The following NOB1 variants were observed in gnomAD, a reference collection of about 807,000 sequenced individuals.
NOB1 encodes NIN1 (RPN12) binding protein 1 homolog.
A neutral mutation model predicts 44.8 loss-of-function variants in NOB1; 44 were observed. That is an observed-to-expected ratio of 0.98 (90% confidence interval 0.77 to 1.26). NOB1 has a LOEUF of 1.26. Ranked by LOEUF, NOB1 falls within the 50% of genes most tolerant of loss-of-function variation. The pLI is 0.00. For missense variants in NOB1, 560 were observed against 544.8 expected (o/e 1.03, Z -0.28); for synonymous variants, 238 against 218.7 (o/e 1.09, Z -0.78).
At chr16:69,754,258 A>C (rs1415524285) in intron 2 of NOB1, among the ~76,000 whole-genome samples, 20 of 152,202 alleles carry the variant, frequency 1.3e-4, no homozygotes, top group Admixed American at 5.2e-4. Context: ...AATCCAAATA[A>C]ATTTATTGCT....
intron 8 of NOB1, 59 bp from the exon 9 acceptor site, chr16:69,742,660 A>T (rs1028972764): frequency 6.4e-7 from 1 of 1,573,378 alleles, no homozygotes; most frequent in African/African-American, 1.3e-5. Flanking sequence ...ACACAAGGCC[A>T]TGGCTGGTAA....
chr16:69,750,805 C>G (rs1286891471), intron 3 of NOB1, among the ~76,000 whole-genome samples: 1 of 152,022 alleles, frequency 6.6e-6, no homozygotes, highest in Non-Finnish European at 1.5e-5. Context: ...TCAACTAGTG[C>G]AAAAATATGA....
At chr16:69,745,482 C>T (rs886261027) in intron 7 of NOB1, among the ~76,000 whole-genome samples, 6 of 152,214 alleles carry the variant, frequency 3.9e-5, no homozygotes, top group Non-Finnish European at 7.3e-5. Flanking sequence ...AGGGGCACCT[C>T]GTCACACCAC....
chr16:69,745,282 C>G (rs1005401467), intron 7 of NOB1, among the ~76,000 whole-genome samples: 2 of 152,194 alleles, frequency 1.3e-5, no homozygotes, highest in African/African-American at 4.8e-5. Flanking sequence ...CCTTCCTACA[C>G]ACCGCCAGGC....
intron 6 of NOB1, 111 bp from the exon 7 acceptor site, chr16:69,748,440 G>C: frequency 1.0e-6 from 1 of 972,316 alleles, no homozygotes; most frequent in Non-Finnish European, 1.5e-6. Flanking sequence ...TGGCTTTTGC[G>C]AAGGAAACTC....
intron 3 of NOB1, among the ~76,000 whole-genome samples, chr16:69,751,486 G>A (rs2038482130): frequency 6.6e-6 from 1 of 151,870 alleles, no homozygotes; most frequent in Non-Finnish European, 1.5e-5. Flanking sequence ...GGGCAACACA[G>A]CTAGACCCTG....
chr16:69,754,635 T>G lies in NOB1; in HGVS notation c.155A>C (p.Glu52Ala), dbSNP rs1297445413. 4 of 1,614,110 alleles carry G rather than the reference T, an allele frequency of 2.5e-6. No homozygotes were observed. In the Admixed American group the frequency reaches 5.0e-5, roughly 20 times the overall value. The change falls in exon 2 of 9, where the codon GAG becomes GCG. Residue 52 changes from glutamate (E) to alanine (A), a missense_variant. Physicochemically the swap from Glu to Ala is moderately radical, Grantham distance 107. Coordinates refer to ENST00000268802, the MANE Select transcript of NOB1 (RefSeq NM_014062.3). ...CGGTAAGGGCTCCTTGAACCGCAGC[T>G]CGTAGGGCAGGACAGCGAGCCGCCT... ...TRRRLAVLPY[E>A]LRFKEPLPEY...
At chr16:69,753,485 A>G (rs1183698026) in intron 2 of NOB1, among the ~76,000 whole-genome samples, 1 of 152,256 alleles carries the variant, frequency 6.6e-6, no homozygotes, top group Non-Finnish European at 1.5e-5. Flanking sequence ...AGCAGCAACG[A>G]AAATTTACTG....
chr16:69,749,631 C>T lies in NOB1; in HGVS notation c.328-1G>A. The T allele has an allele frequency of 3.8e-6, 6 of 1,594,580 alleles. No individual in the cohort carries two copies. The highest frequency in any genetic ancestry group is 5.1e-6 in the Non-Finnish European group (6 of 1,174,786). ...GCTGAATCGATGAGCTCACCTTAAC[C>T]TTTAAAAAAACAAAAAACATATACC... On this transcript the variant is annotated splice_acceptor_variant, in intron 3 of 8. Transcript: ENST00000268802. LOFTEE classifies it high-confidence loss of function.
Position 69,742,571 on chromosome 16 carries a change from A to T in NOB1, c.1000T>A (p.Tyr334Asn), listed in dbSNP as rs374897147. Residue 334 changes from tyrosine (Y) to asparagine (N), a missense_variant, in exon 9 of 9, where the codon TAC (tyrosine) becomes AAC (asparagine). By Grantham distance (143) the Tyr-to-Asn change is moderately radical. Transcript: ENST00000268802. ...YSLPTPKGGK[Y>N]AINPHLTEDQ... ...TCGGTGAGATGGGGGTTGATGGCGT[A>T]TTTGCCCCCTTTGGGAGTGGGAAGC... is the stretch of plus-strand genomic sequence containing the variant. The T allele has an allele frequency of 6.2e-7, 1 of 1,613,956 alleles. No individual in the cohort carries two copies. The highest frequency in any genetic ancestry group is 1.3e-5 in the African/African-American group (1 of 74,898).
At chr16:69,742,994 T>TA (rs141260930) in intron 8 of NOB1, among the ~76,000 whole-genome samples, 6,577 of 152,056 alleles carry the variant, frequency 0.043, 491 homozygotes, top group African/African-American at 0.15. Flanking sequence ...CCATCCTGCA[T>TA]AAAAAACCAG....
At chr16:69,745,607 C>T (rs975574457) in intron 7 of NOB1, among the ~76,000 whole-genome samples, 3 of 152,212 alleles carry the variant, frequency 2.0e-5, no homozygotes, top group East Asian at 1.9e-4. Context: ...GAACTAAGCC[C>T]GGGCACTGAG....
chr16:69,750,042 A>G (rs1449070718), intron 3 of NOB1, among the ~76,000 whole-genome samples: 1 of 135,082 alleles, frequency 7.4e-6, no homozygotes, highest in African/African-American at 2.8e-5. Context: ...TCTGTCACCC[A>G]GGCCGGAGGG....
chr16:69,744,690 T>C (rs1420829382), intron 8 of NOB1, among the ~76,000 whole-genome samples, 183 bp downstream of exon 8: 1 of 152,222 alleles, frequency 6.6e-6, no homozygotes, highest in Non-Finnish European at 1.5e-5. Flanking sequence ...AACTACTGCC[T>C]GAATAACCGG....
chr16:69,753,839 C>T (rs2038502318), intron 2 of NOB1, among the ~76,000 whole-genome samples: 1 of 152,186 alleles, frequency 6.6e-6, no homozygotes. Flanking sequence ...CAGAGTCTCG[C>T]TCTGTCGCCC....
chr16:69,753,091 G>A (rs567800438), intron 2 of NOB1, among the ~76,000 whole-genome samples: 19 of 152,204 alleles, frequency 1.2e-4, no homozygotes, highest in Middle Eastern at 3.4e-3. Context: ...GTGTGGTGGC[G>A]TGTGCCTGTA....
chr16:69,745,138 C>A, intron 7 of NOB1, 121 bp from the exon 8 acceptor site: 1 of 1,009,676 alleles, frequency 9.9e-7, no homozygotes, highest in Admixed American at 2.4e-5. Flanking sequence ...CCGCACCACA[C>A]ATGTCACAAA....
chr16:69,742,430 G>A lies in NOB1; in HGVS notation c.1141C>T (p.Arg381Cys), dbSNP rs145274258. 6.9e-5 allele frequency: 112 copies of A among 1,614,218 alleles called. 1 individual carries two copies. In the African/African-American group the frequency reaches 1.2e-3, roughly 17 times the overall value. The change falls in exon 9 of 9, where the codon CGC becomes TGC. Residue 381 changes from arginine (R) to cysteine (C), a missense_variant. Physicochemically the swap from Arg to Cys is radical, Grantham distance 180 (BLOSUM62 -3). Transcript: ENST00000268802. ...TCCCGGACCTGCAGGGTAGCTGAGCGGCTGGAGATGTCATTCTCGACAAAG... is the reference window on the plus strand; with the variant it reads ...TCCCGGACCTGCAGGGTAGCTGAGCAGCTGGAGATGTCATTCTCGACAAAG... The part of the protein sequence containing the change: ...SPFVENDISS[R>C]SATLQVRDST...
chr16:69,752,206 T>C (rs779548332), intron 3 of NOB1, 35 bp downstream of exon 3: 20 of 1,600,528 alleles, frequency 1.2e-5, no homozygotes, highest in Non-Finnish European at 1.6e-5. Context: ...GTTCCCATAA[T>C]ACAAAGCTTT....
Sources: gnomAD v4.1 joint callset for allele counts (sites outside exome capture counted in the v4.1 genomes callset) on GRCh38, gnomAD v4.1.1 for gene constraint, MANE v1.5 for transcripts, NCBI Gene and HGNC (gene_info 2026-07-23, HGNC 2026-07-21) for gene names.